Variants in WDR17 observed in about 807,000 individuals in gnomAD.
The protein encoded by WDR17 is WD repeat domain 17, also known as WD repeat-containing protein 17.
A neutral mutation model predicts 161.7 loss-of-function variants in WDR17; 143 were observed. The ratio of observed to expected loss-of-function variants is 0.88; its 90% CI spans 0.77 to 1.02. WDR17 has a LOEUF of 1.02. Ranked by LOEUF, WDR17 falls within the 50% of genes least tolerant of loss-of-function variation. The probability of loss-of-function intolerance (pLI) is 0.00; values close to 1 mark genes in which losing one functional copy is unlikely to be tolerated. For synonymous variants in WDR17, 517 were observed against 515.6 expected (o/e 1.00, Z -0.04); for missense variants, 1,469 against 1,520.9 (o/e 0.97, Z 0.57).
intron 9 of WDR17, among the ~76,000 whole-genome samples, chr4:176,139,004 CTGAA>C (rs1744841155): frequency 6.6e-6 from 1 of 151,776 alleles, no homozygotes; most frequent in African/African-American, 2.4e-5. Context: ...ACCCTATAAA[CTGAA>C]TGAATAAAAG....
rs966951066 is a variant in WDR17, at chr4:176,098,781, T to G, written c.-6-12794T>G. On this transcript the variant is annotated intron_variant, in intron 1 of 28. Transcript: ENST00000508596. ...AATAATGTATGATATGCTTTTTATC[T>G]TTTATTTAGAATCATAGATTTTAAA... Among the ~76,000 whole-genome samples the G allele has an allele frequency of 9.9e-5, 15 of 152,102 alleles. No individual in the cohort carries two copies. The East Asian group carries it at 2.9e-3, about 29-fold the overall frequency.
intron 1 of WDR17, among the ~76,000 whole-genome samples, chr4:176,097,724 CACACACACACACACACAT>C (rs1354369345): frequency 8.6e-6 from 1 of 115,800 alleles, no homozygotes; most frequent in Non-Finnish European, 1.8e-5. Flanking sequence ...CCCACTTACA[CACACACACACACACACAT>C]ACACACACAC....
intron 22 of WDR17, among the ~76,000 whole-genome samples, chr4:176,165,442 G>A (rs1749642638): frequency 6.6e-6 from 1 of 152,068 alleles, no homozygotes. Flanking sequence ...TGAGGGTTAG[G>A]GGTGCCAACC....
chr4:176,109,884 G>A (rs1739416601), intron 1 of WDR17, among the ~76,000 whole-genome samples: 1 of 152,102 alleles, frequency 6.6e-6, no homozygotes, highest in South Asian at 2.1e-4. Context: ...CAAAGCTTTT[G>A]AGCAGCATAA....
At chr4:176,174,572 G>A (rs751415888) in intron 25 of WDR17, 45 bp from the exon 26 acceptor site, 2 of 1,392,948 alleles carry the variant, frequency 1.4e-6, no homozygotes, top group Non-Finnish European at 2.0e-6. Flanking sequence ...AATGTTCTAT[G>A]CCTCAAATTG....
intron 1 of WDR17, among the ~76,000 whole-genome samples, chr4:176,072,644 C>A (rs1341913054): frequency 6.6e-6 from 1 of 152,114 alleles, no homozygotes; most frequent in Non-Finnish European, 1.5e-5. Flanking sequence ...CATTTTTCTG[C>A]ATTTTCCAGA....
At chr4:176,167,276 A>T (rs1749910119) in intron 22 of WDR17, among the ~76,000 whole-genome samples, 1 of 152,288 alleles carries the variant, frequency 6.6e-6, no homozygotes, top group South Asian at 2.1e-4. Flanking sequence ...CCCAGCACAC[A>T]GCTTTATAAA....
chr4:176,133,965 A>G (rs1354583144), intron 7 of WDR17, among the ~76,000 whole-genome samples: 8 of 151,912 alleles, frequency 5.3e-5, no homozygotes, highest in African/African-American at 1.9e-4. Flanking sequence ...ATTTCAAAAA[A>G]TAAAATTTTA....
chr4:176,136,504 ACT>A (rs1442882978), intron 8 of WDR17, among the ~76,000 whole-genome samples: 1 of 151,566 alleles, frequency 6.6e-6, no homozygotes, highest in Non-Finnish European at 1.5e-5. Context: ...GCATTCTTTC[ACT>A]CTCTACATTG....
chr4:176,071,330 C>CTTTT (rs10654973), intron 1 of WDR17, among the ~76,000 whole-genome samples: 27,766 of 143,340 alleles, frequency 0.19, 3,134 homozygotes, highest in South Asian at 0.27. Context: ...TTTCTTTTCT[C>CTTTT]TTTTTTTTTT....
intron 16 of WDR17, 106 bp downstream of exon 16, chr4:176,150,699 T>A: frequency 2.6e-6 from 3 of 1,153,220 alleles, no homozygotes; most frequent in South Asian, 2.1e-5. Flanking sequence ...TCGGTAGATT[T>A]AAATAAATGA....
chr4:176,153,966 A>G (rs1747649808), intron 17 of WDR17, among the ~76,000 whole-genome samples: 1 of 152,210 alleles, frequency 6.6e-6, no homozygotes, highest in Admixed American at 6.5e-5. Flanking sequence ...TGCAGAGAAG[A>G]TCTATCAAAA....
chr4:176,108,900 C>G (rs938960557), intron 1 of WDR17, among the ~76,000 whole-genome samples: 1 of 152,136 alleles, frequency 6.6e-6, no homozygotes, highest in Non-Finnish European at 1.5e-5. Flanking sequence ...AGCAATCTTC[C>G]CACCTCAGCT....
chr4:176,159,562 G>A (rs1166429691), intron 18 of WDR17, among the ~76,000 whole-genome samples: 2 of 152,032 alleles, frequency 1.3e-5, no homozygotes, highest in Non-Finnish European at 2.9e-5. Flanking sequence ...TAAGCTACTT[G>A]AGTTTCAAGC....
At chr4:176,152,709 AGGATCACTTGAG>A (rs1747403926) in intron 17 of WDR17, among the ~76,000 whole-genome samples, 2 of 151,630 alleles carry the variant, frequency 1.3e-5, no homozygotes, top group Non-Finnish European at 2.9e-5. Context: ...CCAAGGCGGA[AGGATCACTTGAG>A]GACAGGAGTT....
chr4:176,160,712 A>G (rs1003727268), intron 19 of WDR17, among the ~76,000 whole-genome samples, 199 bp from the exon 20 acceptor site: 1 of 152,210 alleles, frequency 6.6e-6, no homozygotes, highest in Admixed American at 6.5e-5. Flanking sequence ...CATTTGAACA[A>G]CTTAGTAATA....
At chr4:176,175,654 T>C (rs1202955678) in intron 26 of WDR17, among the ~76,000 whole-genome samples, 1 of 152,140 alleles carries the variant, frequency 6.6e-6, no homozygotes, top group Admixed American at 6.5e-5. Context: ...GCCTCCCAAG[T>C]TCACACCATT....
At chr4:176,165,974 A>G (rs971448606) in intron 22 of WDR17, 2 of 409,860 alleles carry the variant, frequency 4.9e-6, no homozygotes, top group Non-Finnish European at 8.8e-6. Flanking sequence ...AGAGCTGCAC[A>G]GATTTTTTAA....
chr4:176,172,228 T>C lies in WDR17; in HGVS notation c.3103-147T>C, dbSNP rs1750836735. Reference sequence around the variant, plus strand: ...AAGGTATTTCCATAAATATATTCTCTTAATTCAAATAATTTCATTTACATC... The same window carrying C: ...AAGGTATTTCCATAAATATATTCTCCTAATTCAAATAATTTCATTTACATC... On this transcript the variant is annotated intron_variant, in intron 23 of 28. Transcript: ENST00000508596. 4 of 701,224 alleles carry C rather than the reference T, an allele frequency of 5.7e-6. No individual in the cohort carries two copies. In the East Asian group the frequency reaches 1.2e-4, roughly 21 times the overall value. The allele number at this position is 701,224 out of a possible 1,614,324, so 43.4% of individuals were successfully genotyped here. A position where few individuals can be genotyped will look rare whatever the true frequency, so the allele number is the denominator to read the frequency against.
Sources: gnomAD v4.1 joint callset for allele counts (sites outside exome capture counted in the v4.1 genomes callset) on GRCh38, gnomAD v4.1.1 for gene constraint, MANE v1.5 for transcripts, NCBI Gene and HGNC (gene_info 2026-07-23, HGNC 2026-07-21) for gene names.